DDR2: variants seen among roughly 807,000 people sequenced by gnomAD.
The protein encoded by DDR2 is discoidin domain-containing receptor 2.
DDR2 carries 27 observed loss-of-function variants against 94.9 expected under a neutral mutation model. The observed-to-expected ratio is 0.28, with a 90% CI of 0.21 to 0.39. DDR2 has a LOEUF of 0.39. Ranked by LOEUF, DDR2 falls within the 10% of genes least tolerant of loss-of-function variation. The probability of loss-of-function intolerance (pLI) is 1.00; values close to 1 mark genes in which losing one functional copy is unlikely to be tolerated. For synonymous variants in DDR2, 382 were observed against 377.2 expected (o/e 1.01, Z -0.15); for missense variants, 783 against 1,076.0 (o/e 0.73, Z 3.81).
intron 10 of DDR2, 55 bp from the exon 11 acceptor site, chr1:162,767,174 C>A: frequency 6.2e-7 from 1 of 1,613,004 alleles, no homozygotes; most frequent in African/African-American, 1.3e-5. Context: ...GTCCCTCATA[C>A]TTTTACTTGA....
chr1:162,695,805 A>T (rs1367295903), intron 2 of DDR2, among the ~76,000 whole-genome samples: 1 of 152,226 alleles, frequency 6.6e-6, no homozygotes. Context: ...CTTTAAATAG[A>T]CAATCTTGTT....
intron 2 of DDR2, among the ~76,000 whole-genome samples, chr1:162,691,949 A>G (rs1659978901): frequency 6.6e-6 from 1 of 152,214 alleles, no homozygotes; most frequent in Admixed American, 6.5e-5. Flanking sequence ...GGTAGGCTGC[A>G]AACAAAGACA....
chr1:162,699,713 A>G (rs1448881567), intron 2 of DDR2, among the ~76,000 whole-genome samples: 3 of 130,664 alleles, frequency 2.3e-5, no homozygotes, highest in African/African-American at 8.3e-5. Flanking sequence ...TCTCACTTTT[A>G]TCTCCTTTCT....
rs377678651 is a variant in DDR2 at position 162,760,535 on chromosome 1, TAG to T, written c.855+558_855+559del. 1.2e-3 allele frequency among the ~76,000 whole-genome samples: 103 copies of T among 86,398 alleles called. 2 individuals are homozygous for T. Among genetic ancestry groups the T allele is most frequent in the Middle Eastern group, 6.7e-3 (1 of 150 alleles). The allele number at this position is 86,398 out of a possible 152,430, so 56.7% of individuals were successfully genotyped here. A position where few individuals can be genotyped will look rare whatever the true frequency, so the allele number is the denominator to read the frequency against. On this transcript the variant is annotated intron_variant, in intron 8 of 17. Coordinates refer to ENST00000367921, the MANE Select transcript of DDR2 (RefSeq NM_006182.4). ...ATATATATGTATATACATATACAACTAGATATATGTATATACATATACAACTA... is the reference window on the plus strand; with the variant it reads ...ATATATATGTATATACATATACAACTATATATGTATATACATATACAACTA...
At chr1:162,739,232 A>G (rs892802489) in intron 3 of DDR2, among the ~76,000 whole-genome samples, 1 of 147,840 alleles carries the variant, frequency 6.8e-6, no homozygotes, top group African/African-American at 2.5e-5. Context: ...TAATATCCAG[A>G]ATCTACGATG....
chr1:162,722,740 C>T (rs75047576), intron 3 of DDR2, among the ~76,000 whole-genome samples: 5 of 152,128 alleles, frequency 3.3e-5, no homozygotes, highest in South Asian at 2.1e-4. Context: ...GGAGTTGTTA[C>T]GTGTCTCTTT....
chr1:162,772,418 A>C (rs1647276235), intron 13 of DDR2, 171 bp downstream of exon 13: 5 of 746,774 alleles, frequency 6.7e-6, no homozygotes, highest in Non-Finnish European at 1.1e-5. Flanking sequence ...AATCTTTGTC[A>C]AATAGCTGTG....
intron 2 of DDR2, among the ~76,000 whole-genome samples, chr1:162,699,650 G>GA (rs1403093690): frequency 1.3e-5 from 2 of 152,144 alleles, no homozygotes; most frequent in African/African-American, 2.4e-5. Flanking sequence ...TTCAAAACAT[G>GA]AAAAAATAAA....
chr1:162,768,288 T>G (rs986093449), intron 11 of DDR2, among the ~76,000 whole-genome samples: 3 of 152,226 alleles, frequency 2.0e-5, no homozygotes, highest in Non-Finnish European at 2.9e-5. Flanking sequence ...TGCTGCTTAG[T>G]GTCTGATTCT....
chr1:162,773,407 C>A (rs1647340844), intron 13 of DDR2, 62 bp from the exon 14 acceptor site: 2 of 1,605,956 alleles, frequency 1.2e-6, no homozygotes, highest in East Asian at 4.5e-5. Context: ...AAATGCCCAG[C>A]AAGAGTACTG....
At chr1:162,656,365 A>G (rs866009475) in intron 2 of DDR2, among the ~76,000 whole-genome samples, 12 of 152,180 alleles carry the variant, frequency 7.9e-5, no homozygotes, top group African/African-American at 2.4e-4. Context: ...GGTGGGGCTA[A>G]AGTGGTATTT....
chr1:162,665,996 A>G (rs1185425488), intron 2 of DDR2, among the ~76,000 whole-genome samples: 2 of 152,118 alleles, frequency 1.3e-5, no homozygotes, highest in Non-Finnish European at 2.9e-5. Context: ...CCACAAATGC[A>G]TTGCTCCCCT....
At chr1:162,745,267 C>T (rs1234441431) in intron 3 of DDR2, among the ~76,000 whole-genome samples, 1 of 152,130 alleles carries the variant, frequency 6.6e-6, no homozygotes, top group East Asian at 1.9e-4. Context: ...AATATTTTCT[C>T]TCATTCCAAA....
intron 2 of DDR2, among the ~76,000 whole-genome samples, chr1:162,703,767 G>C (rs999946675): frequency 1.3e-5 from 2 of 152,172 alleles, no homozygotes; most frequent in African/African-American, 2.4e-5. Flanking sequence ...AGTTATTCCA[G>C]TTCCTGGTTT....
chr1:162,650,811 A>G (rs1437576774), intron 1 of DDR2, among the ~76,000 whole-genome samples: 2 of 151,864 alleles, frequency 1.3e-5, no homozygotes, highest in East Asian at 3.9e-4. Flanking sequence ...CTGCAGCCTA[A>G]GCCTTCCAGG....
chr1:162,631,142 A>G (rs1025766858), upstream of DDR2, among the ~76,000 whole-genome samples: 1 of 150,870 alleles, frequency 6.6e-6, no homozygotes, highest in African/African-American at 2.4e-5. Flanking sequence ...GGGACTTAAC[A>G]CTGACTCAAC....
At chr1:162,722,631 A>T (rs377243783) in intron 3 of DDR2, among the ~76,000 whole-genome samples, 3 of 152,244 alleles carry the variant, frequency 2.0e-5, no homozygotes, top group African/African-American at 7.2e-5. Flanking sequence ...CTGATGAATG[A>T]TTTGGAGTTA....
chr1:162,783,028 A>G lies in DDR2; in HGVS notation c.*2782A>G, dbSNP rs912012909. 1 of 152,172 alleles carries G rather than the reference A, an allele frequency of 6.6e-6. No homozygotes were observed. The highest frequency in any genetic ancestry group is 2.4e-5 in the African/African-American group (1 of 41,444). 9.4% of individuals were successfully genotyped at this position (152,172 alleles called of 1,614,324 possible). A position where few individuals can be genotyped will look rare whatever the true frequency, so the allele number is the denominator to read the frequency against. On this transcript the variant is annotated 3_prime_UTR_variant, in exon 18 of 18. Transcript: ENST00000367921. ...GTGAGGGCCTAGTATGTAGAATTTG[A>G]AAGTAGTTCAAATTTGAATTAGAAG...
At chr1:162,657,052 C>T (rs897799558) in intron 2 of DDR2, among the ~76,000 whole-genome samples, 3 of 151,780 alleles carry the variant, frequency 2.0e-5, no homozygotes, top group Admixed American at 6.6e-5. Context: ...GTTGTCCAGG[C>T]TGGTCTTGAA....
Sources: allele counts gnomAD v4.1 joint callset (sites outside exome capture counted in the v4.1 genomes callset), GRCh38; gene constraint gnomAD v4.1.1; transcripts MANE v1.5; gene names NCBI Gene and HGNC (gene_info 2026-07-23, HGNC 2026-07-21).